The following RAB11FIP3 variants were observed in gnomAD, a reference collection of about 807,000 sequenced individuals.
RAB11FIP3 encodes RAB11 family interacting protein 3.
RAB11FIP3 carries 17 observed loss-of-function variants against 77.8 expected under a neutral mutation model. The observed-to-expected ratio is 0.22, with a 90% CI of 0.15 to 0.33. The LOEUF is 0.33. RAB11FIP3 is among the 10% of genes least tolerant of loss of function. The pLI, the probability that RAB11FIP3 is intolerant of heterozygous loss-of-function variation, is 1.00. For missense variants in RAB11FIP3, 1,005 were observed against 1,011.2 expected (o/e 0.99, Z 0.08); for synonymous variants, 437 against 448.2 (o/e 0.98, Z 0.31).
chr16:445,953 T>C (rs1022811907), intron 1 of RAB11FIP3, among the ~76,000 whole-genome samples: 119 of 152,134 alleles, frequency 7.8e-4, no homozygotes, highest in Non-Finnish European at 1.6e-4. Context: ...TGTAGGCCCC[T>C]GTGTGAGGTG....
At position 505,442 on chromosome 16, in the gene RAB11FIP3, C is replaced by T. The variant is rs1014756616; in HGVS notation, c.1396-82C>T. ...ATTCTGTGCTGAGAAAATCCCCAGGCGGCCTCCCAGGTTGTTCCCTTGGGG... is the reference window on the plus strand; with the variant it reads ...ATTCTGTGCTGAGAAAATCCCCAGGTGGCCTCCCAGGTTGTTCCCTTGGGG... On this transcript the variant is annotated intron_variant, in intron 7 of 13. Transcript: ENST00000262305. This position sits in a 1 kb window ranked among gnomAD's most constrained non-coding sequence, Gnocchi z 4.0. The T allele has an allele frequency of 1.7e-5, 18 of 1,056,336 alleles. No individual in the cohort carries two copies. Among genetic ancestry groups the T allele is most frequent in the African/African-American group, 3.2e-5 (2 of 62,768 alleles). 65.4% of individuals were successfully genotyped at this position (1,056,336 alleles called of 1,614,324 possible).
intron 1 of RAB11FIP3, among the ~76,000 whole-genome samples, chr16:440,773 G>A (rs1028613292): frequency 6.6e-6 from 1 of 152,218 alleles, no homozygotes; most frequent in African/African-American, 2.4e-5. Flanking sequence ...GGGGGATCAG[G>A]AAGGCATCCC....
At position 506,280 on chromosome 16, in the gene RAB11FIP3, T is replaced by C. The variant is rs2031872026; in HGVS notation, c.1499+653T>C. On this transcript the variant is annotated intron_variant, in intron 8 of 13. Coordinates refer to ENST00000262305, the MANE Select transcript of RAB11FIP3 (RefSeq NM_014700.4). This position sits in a 1 kb window ranked among gnomAD's most constrained non-coding sequence, Gnocchi z 4.5. Reference sequence around the variant, plus strand: ...CTCATAGCCGATTTGCAGGACTGTTTCCGGTGCAAAGTAAGATGAGCTTGT... The same window carrying C: ...CTCATAGCCGATTTGCAGGACTGTTCCCGGTGCAAAGTAAGATGAGCTTGT... Among the ~76,000 whole-genome samples the C allele has an allele frequency of 6.6e-6, 1 of 152,152 alleles. No homozygotes were observed. The highest frequency in any genetic ancestry group is 2.4e-5 in the African/African-American group (1 of 41,434).
intron 1 of RAB11FIP3, among the ~76,000 whole-genome samples, chr16:436,141 C>G (rs906171355): frequency 3.9e-5 from 6 of 152,036 alleles, no homozygotes; most frequent in Non-Finnish European, 7.4e-5. Flanking sequence ...AAACCCTGTC[C>G]CTGCTAAAAG....
At chr16:482,248 A>G (rs9935319) in intron 3 of RAB11FIP3, 332,065 of 591,542 alleles carry the variant, frequency 0.56, 95,088 homozygotes, top group Middle Eastern at 0.67. Context: ...GTAGAGACAA[A>G]TTTCACTTTG....
At chr16:445,858 G>A (rs2055307565) in intron 1 of RAB11FIP3, among the ~76,000 whole-genome samples, 1 of 152,200 alleles carries the variant, frequency 6.6e-6, no homozygotes, top group Admixed American at 6.5e-5. Flanking sequence ...CCTGGGGGAG[G>A]CAGATGGGCA....
In RAB11FIP3 at chr16:520,807, G is replaced by A; in HGVS notation, c.2239G>A (p.Glu747Lys). Reference protein sequence around the residue: ...YIDRIIVAIMETNPSILEVK With the variant: ...YIDRIIVAIMKTNPSILEVK ...CGACAGGATCATCGTGGCCATCATG[G>A]AGACCAACCCGTCCATCCTGGAGGT... Residue 747 changes from glutamate to lysine, a missense_variant, in exon 14 of 14, where the codon GAG becomes AAG. This residue lies in a region of RAB11FIP3 where 90 missense variants were observed against 129.7 expected (regional missense o/e 0.69). Transcript: ENST00000262305. 6.2e-7 allele frequency: 1 copy of A among 1,613,744 alleles called. No individual in the cohort carries two copies. The highest frequency in any genetic ancestry group is 8.5e-7 in the Non-Finnish European group (1 of 1,179,996).
chr16:438,253 A>G (rs978725227), intron 1 of RAB11FIP3, among the ~76,000 whole-genome samples: 1 of 150,204 alleles, frequency 6.7e-6, no homozygotes, highest in Non-Finnish European at 1.5e-5. Context: ...GATTACAGGC[A>G]CGTACCACCA....
At chr16:435,702 T>TA (rs1567354332) in intron 1 of RAB11FIP3, among the ~76,000 whole-genome samples, 1 of 152,198 alleles carries the variant, frequency 6.6e-6, no homozygotes, top group East Asian at 1.9e-4. Context: ...AGTAGTGCCT[T>TA]TGCACATAGC....
At chr16:480,286 C>CAAAAAAAAAAAAAAAAAAAAAAAAAAA (rs56228402) in intron 3 of RAB11FIP3, among the ~76,000 whole-genome samples, 1 of 80,024 alleles carries the variant, frequency 1.2e-5, no homozygotes, top group African/African-American at 4.8e-5. Context: ...ACTCCTTCTC[C>CAAAAAAAAAAAAAAAAAAAAAAAAAAA]AAAAAAAAAA....
At chr16:496,943 CT>C in intron 6 of RAB11FIP3, 84 bp downstream of exon 6, 1 of 1,392,414 alleles carries the variant, frequency 7.2e-7, no homozygotes, top group South Asian at 1.2e-5. Flanking sequence ...TTAAAATGTT[CT>C]TTTCCAAGGT....
chr16:462,097 T>C (rs1253647870), intron 2 of RAB11FIP3, among the ~76,000 whole-genome samples: 1 of 152,248 alleles, frequency 6.6e-6, no homozygotes, highest in Non-Finnish European at 1.5e-5. Context: ...TGCCTGGCAG[T>C]GCGGAGCCTG....
At chr16:439,308 C>G (rs1394928658) in intron 1 of RAB11FIP3, 1 of 152,210 alleles carries the variant, frequency 6.6e-6, no homozygotes, top group Non-Finnish European at 1.5e-5. Flanking sequence ...CATGGCTAGT[C>G]AAGTGAAGCA....
At chr16:444,355 G>T (rs982779554) in intron 1 of RAB11FIP3, among the ~76,000 whole-genome samples, 5 of 152,196 alleles carry the variant, frequency 3.3e-5, no homozygotes, top group Non-Finnish European at 7.3e-5. Flanking sequence ...CAGCAGGACG[G>T]TGCTGAGAAC....
At chr16:448,663 G>A (rs1329214568) in intron 1 of RAB11FIP3, among the ~76,000 whole-genome samples, 2 of 151,402 alleles carry the variant, frequency 1.3e-5, no homozygotes, top group Non-Finnish European at 2.9e-5. Context: ...GTGAACCCAG[G>A]AGGCGGAGCT....
Position 480,567 on chromosome 16 carries a change from T to G in RAB11FIP3, c.904-1958T>G, listed in dbSNP as rs575637177. On this transcript the variant is annotated intron_variant, in intron 3 of 13. Coordinates refer to ENST00000262305, the MANE Select transcript of RAB11FIP3 (RefSeq NM_014700.4). ...CAGGCTGGAGTGCAGTGGCGTGATC[T>G]CAATTCACTGCAACCTCCACCTCCC... is the stretch of plus-strand genomic sequence containing the variant. Among the ~76,000 whole-genome samples the G allele has an allele frequency of 1.4e-4, 22 of 152,238 alleles. No homozygotes were observed. The East Asian group carries it at 3.7e-3, about 26-fold the overall frequency.
At chr16:435,373 A>C (rs145142053) in intron 1 of RAB11FIP3, among the ~76,000 whole-genome samples, 2 of 152,204 alleles carry the variant, frequency 1.3e-5, no homozygotes, top group Admixed American at 6.5e-5. Context: ...GAAACATTCA[A>C]TGTAAACATT....
At position 457,983 on chromosome 16, in the gene RAB11FIP3, C is replaced by T. The variant is rs139140132; in HGVS notation, c.715-3421C>T. ...AGGAAGTTGGTTGATGATGGACTTC[C>T]GAGGCTAGAGTCACGCTAGCACACA... On this transcript the variant is annotated intron_variant, in intron 1 of 13. Transcript: ENST00000262305. Among the ~76,000 whole-genome samples, 5 of 152,210 alleles carry T rather than the reference C, an allele frequency of 3.3e-5. 1 individual carries two copies. Among genetic ancestry groups the T allele is most frequent in the South Asian group, 4.1e-4 (2 of 4,834 alleles).
chr16:492,494 AGACCCGAGGCCGCCCAGG>A (rs1567392567), intron 5 of RAB11FIP3, among the ~76,000 whole-genome samples: 10 of 103,484 alleles, frequency 9.7e-5, no homozygotes, highest in Non-Finnish European at 1.8e-4. Context: ...CCCTCCCGGG[AGACCCGAGGCCGCCCAGG>A]GCCCTCCCGG....
Sources: allele counts gnomAD v4.1 joint callset (sites outside exome capture counted in the v4.1 genomes callset), GRCh38; gene constraint gnomAD v4.1.1; regional missense constraint gnomAD v4.1.1; non-coding constraint Gnocchi (gnomAD v3.1); transcripts MANE v1.5; gene names NCBI Gene and HGNC (gene_info 2026-07-23, HGNC 2026-07-21).